FAM83F: variants seen among roughly 807,000 people sequenced by gnomAD.
FAM83F encodes scaffolding CK1 anchoring protein F, also known as protein FAM83F.
A neutral mutation model predicts 42.9 loss-of-function variants in FAM83F; 45 were observed. The observed-to-expected ratio is 1.05, with a 90% CI of 0.83 to 1.35. FAM83F has a LOEUF of 1.35. Among genes scored for constraint, FAM83F ranks in the 40% most tolerant of loss-of-function variants. The probability of loss-of-function intolerance (pLI) is 0.00; values close to 1 mark genes in which losing one functional copy is unlikely to be tolerated. For synonymous variants in FAM83F, 306 were observed against 298.3 expected (o/e 1.03, Z -0.27); for missense variants, 617 against 695.9 (o/e 0.89, Z 1.28).
At chr22:40,014,715 T>C (rs1025633489) in intron 1 of FAM83F, among the ~76,000 whole-genome samples, 2 of 152,210 alleles carry the variant, frequency 1.3e-5, no homozygotes, top group African/African-American at 4.8e-5. Flanking sequence ...TTGTCTATCT[T>C]GTTCAGTCTT....
chr22:40,019,067 G>A (rs2067505579), intron 1 of FAM83F, 101 bp from the exon 2 acceptor site: 2 of 1,408,002 alleles, frequency 1.4e-6, no homozygotes, highest in Non-Finnish European at 2.0e-6. Flanking sequence ...TTTGACTCTT[G>A]GCCACCAGTG....
chr22:40,001,519 A>G (rs3021271), intron 1 of FAM83F, among the ~76,000 whole-genome samples: 95,216 of 151,928 alleles, frequency 0.63, 31,715 homozygotes, highest in African/African-American at 0.83. Context: ...TCTACCTGTA[A>G]TCCCAACTAC....
chr22:40,015,313 A>G (rs551504321), intron 1 of FAM83F, among the ~76,000 whole-genome samples: 118 of 152,314 alleles, frequency 7.7e-4, no homozygotes, highest in African/African-American at 2.7e-3. Context: ...TGGACGAGAC[A>G]TACCCACATT....
At chr22:40,001,088 T>C (rs77043666) in intron 1 of FAM83F, among the ~76,000 whole-genome samples, 2,583 of 152,324 alleles carry the variant, frequency 0.017, 59 homozygotes, top group African/African-American at 0.059. Context: ...CAGGTATTCC[T>C]GGCAAGCCCT....
At chr22:40,000,591 G>T (rs1456727364) in intron 1 of FAM83F, among the ~76,000 whole-genome samples, 1 of 149,626 alleles carries the variant, frequency 6.7e-6, no homozygotes, top group Admixed American at 6.6e-5. Flanking sequence ...TTGAGATGCT[G>T]CAATGAAGCA....
chr22:40,028,636 C>T (rs2067568590), intron 4 of FAM83F, among the ~76,000 whole-genome samples: 1 of 152,198 alleles, frequency 6.6e-6, no homozygotes, highest in Non-Finnish European at 1.5e-5. Context: ...AACCGCAGGC[C>T]TCATCTCAGG....
rs904254793 is a variant in FAM83F at position 40,039,724 on chromosome 22, G to C, written c.*10159G>C. On this transcript the variant is annotated 3_prime_UTR_variant, in exon 5 of 5. Transcript: ENST00000333407. ...AAGGAGCTTAGAGAAAGAGATGGTA[G>C]GGAAAAGAGCATGAACAGTTGTAGA... 1 of 152,352 alleles carries C rather than the reference G, an allele frequency of 6.6e-6. No homozygotes were observed. Among genetic ancestry groups the C allele is most frequent in the Non-Finnish European group, 1.5e-5 (1 of 68,062 alleles). The allele number at this position is 152,352 out of a possible 1,614,324, so 9.4% of individuals were successfully genotyped here.
intron 1 of FAM83F, among the ~76,000 whole-genome samples, chr22:40,007,562 TCTC>T (rs2067441693): frequency 3.7e-5 from 1 of 27,318 alleles, no homozygotes; most frequent in Non-Finnish European, 6.9e-5. Context: ...CCTCCTCTCC[TCTC>T]CTCCTCCTCT....
In FAM83F at chr22:39,995,627, C is replaced by G; in HGVS notation, c.489+96C>G. On this transcript the variant is annotated intron_variant, in intron 1 of 4. Coordinates refer to ENST00000333407, the MANE Select transcript of FAM83F (RefSeq NM_138435.4). The surrounding 1 kb of genome is among the most constrained non-coding windows in gnomAD (Gnocchi z 4.6). ...CAGGCAGGGCCCGGGGCAGGCCGCC[C>G]TGAGCACCCTCTGGAAAATGGGCCC... The G allele has an allele frequency of 9.1e-6, 13 of 1,435,254 alleles. No individual in the cohort carries two copies. The highest frequency in any genetic ancestry group is 1.2e-5 in the Non-Finnish European group (13 of 1,095,986). 88.9% of individuals were successfully genotyped at this position (1,435,254 alleles called of 1,614,324 possible).
chr22:40,005,916 G>T (rs961839887), intron 1 of FAM83F, among the ~76,000 whole-genome samples: 1 of 152,204 alleles, frequency 6.6e-6, no homozygotes, highest in African/African-American at 2.4e-5. Flanking sequence ...CTGCTGGGGT[G>T]GGGGCAGCCT....
At chr22:40,020,456 G>T (rs572503937) in intron 3 of FAM83F, among the ~76,000 whole-genome samples, 1 of 145,772 alleles carries the variant, frequency 6.9e-6, no homozygotes, top group Non-Finnish European at 1.5e-5. Context: ...TCTGCCTCCC[G>T]GATTCAAGCG....
rs916260910 is a variant in FAM83F, at chr22:39,994,962, C to T, written c.-81C>T. ...TCGCGGCCAGGTGAGGCGCCCCGCC[C>T]CTCGGCGGCTCCAGGTGCGGCTGTG... is the stretch of plus-strand genomic sequence containing the variant. On this transcript the variant is annotated 5_prime_UTR_variant, in exon 1 of 5. Coordinates refer to ENST00000333407, the MANE Select transcript of FAM83F (RefSeq NM_138435.4). 9 of 1,182,000 alleles carry T rather than the reference C, an allele frequency of 7.6e-6. No individual in the cohort carries two copies. The African/African-American group carries it at 1.5e-4, about 19-fold the overall frequency. 73.2% of individuals were successfully genotyped at this position (1,182,000 alleles called of 1,614,324 possible).
At chr22:40,019,568 G>C (rs964652759) in intron 2 of FAM83F, among the ~76,000 whole-genome samples, 14 of 152,230 alleles carry the variant, frequency 9.2e-5, no homozygotes, top group Non-Finnish European at 2.9e-5. Context: ...CTGAAGGAGG[G>C]AGCTCTGGGC....
At position 40,011,026 on chromosome 22, in the gene FAM83F, A is replaced by G. The variant is rs1429545628; in HGVS notation, c.490-8142A>G. Among the ~76,000 whole-genome samples the G allele has an allele frequency of 3.9e-5, 6 of 152,286 alleles. No individual in the cohort carries two copies. The East Asian group carries it at 1.2e-3, about 29-fold the overall frequency. On this transcript the variant is annotated intron_variant, in intron 1 of 4. Coordinates refer to ENST00000333407, the MANE Select transcript of FAM83F (RefSeq NM_138435.4). Reference sequence around the variant, plus strand: ...CTGATTGTGCACTTTAGTTCACGGCACAATGCCACCAGAGAGCCTTGAAAG... The same window carrying G: ...CTGATTGTGCACTTTAGTTCACGGCGCAATGCCACCAGAGAGCCTTGAAAG...
chr22:40,042,152 G>A lies in FAM83F; in HGVS notation c.*12587G>A, dbSNP rs911868878. On this transcript the variant is annotated 3_prime_UTR_variant, in exon 5 of 5. Transcript: ENST00000333407. The stretch of plus-strand genomic sequence containing the variant: ...GCTGGGATTACAAGCATAAGCCAAT[G>A]TGCCTGGCCTCAATGTTACTTTTAT... 6.6e-5 allele frequency: 10 copies of A among 152,198 alleles called. No homozygotes were observed. The highest frequency in any genetic ancestry group is 2.4e-4 in the African/African-American group (10 of 41,446). 9.4% of individuals were successfully genotyped at this position (152,198 alleles called of 1,614,324 possible). A position where few individuals can be genotyped will look rare whatever the true frequency, so the allele number is the denominator to read the frequency against.
rs1320863216 is a variant in FAM83F at position 40,027,490 on chromosome 22, C to T, written c.1454-2026C>T. On this transcript the variant is annotated intron_variant, in intron 4 of 4. Transcript: ENST00000333407. Reference sequence around the variant, plus strand: ...GCACCCGTTTTCAGCTCCACCTTGGCGTCACCTCTGAAGCTCCCAGGCCAC... The same window carrying T: ...GCACCCGTTTTCAGCTCCACCTTGGTGTCACCTCTGAAGCTCCCAGGCCAC... Among the ~76,000 whole-genome samples the T allele has an allele frequency of 3.3e-5, 5 of 152,186 alleles. No homozygotes were observed. The South Asian group carries it at 8.3e-4, about 25-fold the overall frequency.
chr22:40,019,884 C>A lies in FAM83F; in HGVS notation c.658-3C>A. On this transcript the variant is annotated splice_polypyrimidine_tract_variant and splice_region_variant and intron_variant, in intron 2 of 4. Transcript: ENST00000333407. Reference sequence around the variant, plus strand: ...TGACAGGGCCTTCTGCTCTTCCCAACAGAACATCCGTGTCCGCTCTGTGAC... The same window carrying A: ...TGACAGGGCCTTCTGCTCTTCCCAAAAGAACATCCGTGTCCGCTCTGTGAC... The A allele has an allele frequency of 6.2e-7, 1 of 1,607,980 alleles. No homozygotes were observed. Among genetic ancestry groups the A allele is most frequent in the Non-Finnish European group, 8.5e-7 (1 of 1,177,352 alleles).
intron 1 of FAM83F, among the ~76,000 whole-genome samples, chr22:40,016,437 A>G (rs1444959799): frequency 6.6e-6 from 1 of 152,048 alleles, no homozygotes; most frequent in Non-Finnish European, 1.5e-5. Flanking sequence ...GAGCTCAAGC[A>G]GTCCTCCTGT....
chr22:39,995,005 G>GGGGCCGGGGCCA lies in FAM83F; in HGVS notation c.-26_-15dup, dbSNP rs557400076. On this transcript the variant is annotated 5_prime_UTR_variant, in exon 1 of 5. Transcript: ENST00000333407. The surrounding 1 kb of genome is among the most constrained non-coding windows in gnomAD (Gnocchi z 4.6). ...CGGCTGTGGGACCTCGGACCGCGGC[G>GGGGCCGGGGCCA]GGGCCGGGGCCAGGGCCGGGGCCGG... is the stretch of plus-strand genomic sequence containing the variant. 0.018 allele frequency: 21,627 copies of GGGGCCGGGGCCA among 1,232,864 alleles called. 2,670 individuals are homozygous for GGGGCCGGGGCCA. In the African/African-American group the frequency reaches 0.29, roughly 16 times the overall value. The allele number at this position is 1,232,864 out of a possible 1,614,324, so 76.4% of individuals were successfully genotyped here.
Sources: allele counts gnomAD v4.1 joint callset (sites outside exome capture counted in the v4.1 genomes callset), GRCh38; gene constraint gnomAD v4.1.1; non-coding constraint Gnocchi (gnomAD v3.1); transcripts MANE v1.5; gene names NCBI Gene and HGNC (gene_info 2026-07-23, HGNC 2026-07-21).